GABRG1: variants seen among roughly 807,000 people sequenced by gnomAD.
GABRG1 encodes the protein gamma-aminobutyric acid type A receptor subunit gamma1, also known as gamma-aminobutyric acid receptor subunit gamma-1.
Under a neutral mutation model 49.8 loss-of-function variants are expected in GABRG1, and 49 were observed. The observed-to-expected ratio is 0.98, with a 90% CI of 0.78 to 1.25. GABRG1 has a LOEUF of 1.25. Ranked by LOEUF, GABRG1 falls within the 50% of genes most tolerant of loss-of-function variation. The probability of loss-of-function intolerance (pLI) is 0.00; values close to 1 mark genes in which losing one functional copy is unlikely to be tolerated. For missense variants in GABRG1, 552 were observed against 552.3 expected, an observed-to-expected ratio of 1.00 and a Z score of 0.01; for synonymous variants, 232 against 185.1, an observed-to-expected ratio of 1.25 and a Z score of -2.06.
intron 3 of GABRG1, among the ~76,000 whole-genome samples, chr4:46,076,404 T>TAC (rs1281703724): frequency 9.1e-4 from 122 of 134,558 alleles, no homozygotes; most frequent in Non-Finnish European, 1.5e-3. Flanking sequence ...TATATATATA[T>TAC]GCTAAATTAC....
At position 46,058,681 on chromosome 4, in the gene GABRG1, A is replaced by G. The variant is rs552099158; in HGVS notation, c.626-59T>C. On this transcript the variant is annotated intron_variant, in intron 5 of 8. Coordinates refer to ENST00000295452, the MANE Select transcript of GABRG1 (RefSeq NM_173536.4). ...CAAATTTGATACCATTGCAATGCCA[A>G]CATTATCCAAAGGTAGATTCTTGGA... is the stretch of plus-strand genomic sequence containing the variant. 3.4e-5 allele frequency: 45 copies of G among 1,324,452 alleles called. No homozygotes were observed. In the South Asian group the frequency reaches 4.8e-4, roughly 14 times the overall value. The allele number at this position is 1,324,452 out of a possible 1,614,324, so 82.0% of individuals were successfully genotyped here.
At chr4:46,093,523 A>G (rs1720068709) in intron 2 of GABRG1, among the ~76,000 whole-genome samples, 1 of 152,034 alleles carries the variant, frequency 6.6e-6, no homozygotes, top group Admixed American at 6.6e-5. Flanking sequence ...AATATCTATT[A>G]TTTGATAGCA....
chr4:46,041,033 A>G lies in GABRG1; in HGVS notation c.1353T>C (p.Phe451=), dbSNP rs1399073002. 2 of 1,612,744 alleles carry G rather than the reference A, an allele frequency of 1.2e-6. No homozygotes were observed. Among genetic ancestry groups the G allele is most frequent in the African/African-American group, 2.7e-5 (2 of 74,858 alleles). The change falls in exon 9 of 9, where the codon TTT becomes TTC. Residue 451 remains phenylalanine (F), a synonymous_variant. Transcript: ENST00000295452. ...CCCAATAAACCAAGTTGAACAGGGC[A>G]AAAGCGGTTGGGAAAAATATTCTAG... ...SYSRIFFPTA[F]ALFNLVYWVG... is the part of the protein sequence containing the mutation.
chr4:46,102,277 C>G (rs1188545578), intron 1 of GABRG1, among the ~76,000 whole-genome samples: 1 of 151,594 alleles, frequency 6.6e-6, no homozygotes, highest in Non-Finnish European at 1.5e-5. Context: ...CTGCACCAGA[C>G]CCAAGCTGTC....
intron 3 of GABRG1, among the ~76,000 whole-genome samples, chr4:46,068,422 T>C (rs1245498116): frequency 6.6e-6 from 1 of 152,122 alleles, no homozygotes; most frequent in Non-Finnish European, 1.5e-5. Context: ...CAGCTGTCAA[T>C]ACTGCTTAGC....
Position 46,058,311 on chromosome 4 carries a change from A to T in GABRG1, c.822T>A (p.Thr274=). 6.2e-7 allele frequency: 1 copy of T among 1,613,310 alleles called. No homozygotes were observed. The highest frequency in any genetic ancestry group is 8.5e-7 in the Non-Finnish European group (1 of 1,179,502). The change falls in exon 7 of 9, where the codon ACT becomes ACA. Residue 274 remains threonine (T), a synonymous_variant. Coordinates refer to ENST00000295452, the MANE Select transcript of GABRG1 (RefSeq NM_173536.4). ...FDLSRRMGYF[T]IQTYIPCILT... The stretch of plus-strand genomic sequence containing the variant: ...GAATGCATGGAATGTAGGTCTGAAT[A>T]GTGAAATATCCCATTCTTCTGCTCA...
chr4:46,077,162 AG>A (rs1719381299), intron 3 of GABRG1, among the ~76,000 whole-genome samples: 1 of 78,914 alleles, frequency 1.3e-5, no homozygotes, highest in African/African-American at 5.0e-5. Context: ...GGGTAGGGGG[AG>A]GGGGGAGGGA....
intron 5 of GABRG1, among the ~76,000 whole-genome samples, chr4:46,059,529 T>C (rs559499377): frequency 7.4e-4 from 113 of 152,088 alleles, no homozygotes; most frequent in African/African-American, 1.9e-3. Context: ...CTGAGACCTA[T>C]ACAGGTGCTT....
At chr4:46,084,852 A>T (rs1430963938) in intron 2 of GABRG1, among the ~76,000 whole-genome samples, 2 of 151,628 alleles carry the variant, frequency 1.3e-5, no homozygotes, top group Non-Finnish European at 3.0e-5. Context: ...ACATAGGCTG[A>T]TGACTTCTGA....
chr4:46,088,717 A>G (rs1719869126), intron 2 of GABRG1, among the ~76,000 whole-genome samples: 1 of 149,064 alleles, frequency 6.7e-6, no homozygotes, highest in Non-Finnish European at 1.5e-5. Flanking sequence ...GGCATGGTAT[A>G]GTGTATATCC....
At chr4:46,101,999 T>C (rs1200776949) in intron 1 of GABRG1, among the ~76,000 whole-genome samples, 1 of 151,636 alleles carries the variant, frequency 6.6e-6, no homozygotes, top group African/African-American at 2.4e-5. Context: ...CCTGAAATCT[T>C]CATGTACACA....
In GABRG1 at chr4:46,120,684, A is replaced by G. The variant is rs529472969; in HGVS notation, c.104+3126T>C. The stretch of plus-strand genomic sequence containing the variant: ...TCATTCATTACTACCCACACAAAAC[A>G]TACTACTGAAATTGCTTGAAAATAA... On this transcript the variant is annotated intron_variant, in intron 1 of 8. Coordinates refer to ENST00000295452, the MANE Select transcript of GABRG1 (RefSeq NM_173536.4). Among the ~76,000 whole-genome samples the G allele has an allele frequency of 2.0e-5, 3 of 151,916 alleles. No individual in the cohort carries two copies. The East Asian group carries it at 5.8e-4, about 29-fold the overall frequency.
At chr4:46,118,958 C>T (rs1041867508) in intron 1 of GABRG1, among the ~76,000 whole-genome samples, 2 of 151,296 alleles carry the variant, frequency 1.3e-5, no homozygotes, top group Non-Finnish European at 3.0e-5. Flanking sequence ...ATTTCTACTA[C>T]TTGGTTATGG....
At chr4:46,109,089 T>C (rs1302508660) in intron 1 of GABRG1, among the ~76,000 whole-genome samples, 2 of 150,958 alleles carry the variant, frequency 1.3e-5, no homozygotes, top group Non-Finnish European at 3.0e-5. Flanking sequence ...TTCAGTAGAA[T>C]TGGTACCAGG....
intron 3 of GABRG1, 68 bp from the exon 4 acceptor site, chr4:46,065,652 G>C: frequency 1.3e-6 from 1 of 751,620 alleles, no homozygotes; most frequent in Non-Finnish European, 2.1e-6. Context: ...TCGAAAGTTT[G>C]AATTTTTGTA....
intron 5 of GABRG1, among the ~76,000 whole-genome samples, chr4:46,061,980 C>T (rs1366840123): frequency 1.3e-5 from 2 of 150,432 alleles, no homozygotes; most frequent in Non-Finnish European, 3.0e-5. Flanking sequence ...CACCCATTAA[C>T]TCATCATTTA....
intron 2 of GABRG1, among the ~76,000 whole-genome samples, chr4:46,091,536 G>T (rs1231248545): frequency 6.6e-6 from 1 of 151,966 alleles, no homozygotes; most frequent in Non-Finnish European, 1.5e-5. Flanking sequence ...TAAGAAAATA[G>T]AAGAAAAGAT....
At chr4:46,097,148 G>A in intron 2 of GABRG1, 53 bp downstream of exon 2, 4 of 1,411,932 alleles carry the variant, frequency 2.8e-6, no homozygotes, top group Non-Finnish European at 3.8e-6. Context: ...AATAGTACCA[G>A]TAATGATATG....
chr4:46,105,976 T>G (rs1208891732), intron 1 of GABRG1, among the ~76,000 whole-genome samples: 1 of 151,462 alleles, frequency 6.6e-6, no homozygotes, highest in African/African-American at 2.4e-5. Flanking sequence ...CAGGTTCCAG[T>G]AGCTCTTTAC....
Sources: gnomAD v4.1 joint callset for allele counts (sites outside exome capture counted in the v4.1 genomes callset) on GRCh38, gnomAD v4.1.1 for gene constraint, MANE v1.5 for transcripts, NCBI Gene and HGNC (gene_info 2026-07-23, HGNC 2026-07-21) for gene names.